OSBPL11: variants seen among roughly 807,000 people sequenced by gnomAD.
The protein encoded by OSBPL11 is oxysterol binding protein like 11.
OSBPL11 carries 33 observed loss-of-function variants against 84.4 expected under a neutral mutation model. The observed-to-expected ratio is 0.39, with a 90% CI of 0.30 to 0.52. The LOEUF is 0.52. Among genes scored for constraint, OSBPL11 ranks in the 20% least tolerant of loss-of-function variants. OSBPL11 has a pLI of 0.72. For synonymous variants in OSBPL11, 276 were observed against 310.2 expected (o/e 0.89, Z 1.16); for missense variants, 736 against 901.1 (o/e 0.82, Z 2.35).
rs1936657342 is a variant in OSBPL11 at position 125,594,858 on chromosome 3, G to A, written c.-58C>T. 6.5e-7 allele frequency: 1 copy of A among 1,531,836 alleles called. No homozygotes were observed. Among genetic ancestry groups the A allele is most frequent in the Non-Finnish European group, 8.8e-7 (1 of 1,136,976 alleles). The allele number at this position is 1,531,836 out of a possible 1,614,324, so 94.9% of individuals were successfully genotyped here. On this transcript the variant is annotated 5_prime_UTR_variant, in exon 1 of 13. Transcript: ENST00000296220. ...CGGGAGAGAACAATTCTGTAGTTCT[G>A]TAGGTGACTTTTTTTTTTTAAGATT...
At chr3:125,576,506 C>A in intron 4 of OSBPL11, 141 bp from the exon 5 acceptor site, 1 of 577,934 alleles carries the variant, frequency 1.7e-6, no homozygotes, top group Non-Finnish European at 2.7e-6. Flanking sequence ...GAGAACATTT[C>A]CAAAGATAAA....
intron 5 of OSBPL11, among the ~76,000 whole-genome samples, chr3:125,575,726 G>A (rs1303307418): frequency 1.4e-5 from 2 of 138,256 alleles, no homozygotes; most frequent in Non-Finnish European, 3.1e-5. Flanking sequence ...TTTTAGAGAC[G>A]GGGTCTGGCT....
chr3:125,544,290 A>G (rs2107591170), intron 10 of OSBPL11, among the ~76,000 whole-genome samples: 1 of 152,250 alleles, frequency 6.6e-6, no homozygotes, highest in African/African-American at 2.4e-5. Flanking sequence ...TCTTGACCTC[A>G]AGTGATCCTC....
intron 9 of OSBPL11, among the ~76,000 whole-genome samples, chr3:125,551,664 G>A (rs1462763713): frequency 6.6e-6 from 1 of 151,786 alleles, no homozygotes; most frequent in Non-Finnish European, 1.5e-5. Flanking sequence ...CATAATCCCA[G>A]CTACTCGTGA....
chr3:125,542,748 G>A (rs937804302), intron 10 of OSBPL11, among the ~76,000 whole-genome samples: 3 of 152,120 alleles, frequency 2.0e-5, no homozygotes, highest in South Asian at 4.1e-4. Context: ...CTGATCTTGT[G>A]ATCTACCCGC....
At chr3:125,539,300 CATAT>C (rs10678056) in intron 10 of OSBPL11, among the ~76,000 whole-genome samples, 13,704 of 66,274 alleles carry the variant, frequency 0.21, 1,452 homozygotes, top group Non-Finnish European at 0.31. Context: ...TCACCACAGC[CATAT>C]ATATATATAT....
chr3:125,576,932 C>T (rs532871290), intron 4 of OSBPL11, among the ~76,000 whole-genome samples: 5 of 152,216 alleles, frequency 3.3e-5, no homozygotes, highest in Non-Finnish European at 5.9e-5. Context: ...GATCTGCCCA[C>T]CTCAGCTTCC....
In OSBPL11 at chr3:125,530,491, T is replaced by C; in HGVS notation, c.*24A>G. 1 of 1,603,208 alleles carries C rather than the reference T, an allele frequency of 6.2e-7. No homozygotes were observed. The highest frequency in any genetic ancestry group is 8.5e-7 in the Non-Finnish European group (1 of 1,170,034). On this transcript the variant is annotated 3_prime_UTR_variant, in exon 13 of 13. Transcript: ENST00000296220. ...AGGGTAAACAGAGAAGAACCTCATT[T>C]GGTCGAGTTTTAGATAGTATGTGTC...
intron 10 of OSBPL11, among the ~76,000 whole-genome samples, chr3:125,539,358 A>T (rs1311414029): frequency 7.0e-6 from 1 of 143,018 alleles, no homozygotes; most frequent in Non-Finnish European, 1.5e-5. Context: ...AGCTATATAT[A>T]TGGCTGTTTA....
intron 6 of OSBPL11, among the ~76,000 whole-genome samples, chr3:125,566,703 C>G (rs1032651130): frequency 5.3e-5 from 8 of 151,846 alleles, no homozygotes; most frequent in East Asian, 1.9e-4. Flanking sequence ...TTTTGTAGTC[C>G]CGTGCAATAA....
At chr3:125,552,727 A>G (rs762292582) in intron 8 of OSBPL11, 48 bp from the exon 9 acceptor site, 26 of 1,556,730 alleles carry the variant, frequency 1.7e-5, no homozygotes, top group Admixed American at 5.6e-5. Context: ...CATGTGTAGC[A>G]TATCTGTAGA....
intron 11 of OSBPL11, among the ~76,000 whole-genome samples, chr3:125,533,173 C>G (rs1935587733): frequency 1.3e-5 from 2 of 150,392 alleles, no homozygotes; most frequent in South Asian, 2.1e-4. Flanking sequence ...TTTCCTCCCC[C>G]CTTCCTTCTC....
At chr3:125,586,910 TCAAAA>T (rs980393734) in intron 1 of OSBPL11, among the ~76,000 whole-genome samples, 13 of 152,132 alleles carry the variant, frequency 8.5e-5, no homozygotes, top group Non-Finnish European at 1.5e-4. Context: ...TCCTTTCAAC[TCAAAA>T]CAATTACTCA....
chr3:125,550,024 A>G (rs547536137), intron 9 of OSBPL11, among the ~76,000 whole-genome samples: 2 of 152,290 alleles, frequency 1.3e-5, no homozygotes, highest in Non-Finnish European at 2.9e-5. Flanking sequence ...CTTAAGGCTA[A>G]CGTGACGGAG....
chr3:125,549,047 G>A (rs1341891584), intron 9 of OSBPL11, among the ~76,000 whole-genome samples: 1 of 151,524 alleles, frequency 6.6e-6, no homozygotes, highest in East Asian at 1.9e-4. Context: ...TTGAAATGGA[G>A]TTTCACTCTT....
At chr3:125,533,223 C>T (rs749054576) in intron 11 of OSBPL11, among the ~76,000 whole-genome samples, 1 of 149,268 alleles carries the variant, frequency 6.7e-6, no homozygotes, top group Non-Finnish European at 1.5e-5. Context: ...TCCCTCCCTC[C>T]CTCTTTCTCT....
chr3:125,565,236 G>A (rs13100866), intron 6 of OSBPL11, among the ~76,000 whole-genome samples: 10,327 of 151,850 alleles, frequency 0.068, 472 homozygotes, highest in Non-Finnish European at 0.098. Context: ...AGAGTGAGAA[G>A]AAATATAAAA....
chr3:125,563,604 T>G, intron 7 of OSBPL11, 94 bp downstream of exon 7: 1 of 1,226,784 alleles, frequency 8.2e-7, no homozygotes, highest in South Asian at 1.3e-5. Flanking sequence ...AGGTGTTAAG[T>G]TGATGTGCAT....
intron 1 of OSBPL11, among the ~76,000 whole-genome samples, chr3:125,593,169 C>T (rs193146167): frequency 5.3e-4 from 81 of 152,278 alleles, no homozygotes; most frequent in African/African-American, 1.8e-3. Context: ...ACCCACAGCC[C>T]CATAGCAGGT....
Sources: gnomAD v4.1 joint callset for allele counts (sites outside exome capture counted in the v4.1 genomes callset) on GRCh38, gnomAD v4.1.1 for gene constraint, MANE v1.5 for transcripts, NCBI Gene and HGNC (gene_info 2026-07-23, HGNC 2026-07-21) for gene names.